Variants in SLC35D2 observed in about 807,000 individuals in gnomAD.
The protein encoded by SLC35D2 is nucleotide sugar transporter SLC35D2.
Under a neutral mutation model 41.8 loss-of-function variants are expected in SLC35D2, and 43 were observed. The ratio of observed to expected loss-of-function variants is 1.03; its 90% CI spans 0.81 to 1.33. The LOEUF is 1.33. SLC35D2 is among the 40% of genes most tolerant of loss of function. The pLI is 0.00. For synonymous variants in SLC35D2, 150 were observed against 163.9 expected (o/e 0.92, Z 0.65); for missense variants, 380 against 408.4 (o/e 0.93, Z 0.60).
chr9:96,340,236 T>A lies in SLC35D2; in HGVS notation c.685-3452A>T, dbSNP rs192590249. Among the ~76,000 whole-genome samples the A allele has an allele frequency of 7.2e-5, 11 of 152,242 alleles. 1 individual carries two copies. In the East Asian group the frequency reaches 1.9e-3, roughly 27 times the overall value. Reference sequence around the variant, plus strand: ...CTCACTGTTGTTTTTTGCTTTTTGTTTTTTATATGGGGTTGATGGCTTTTT... The same window carrying A: ...CTCACTGTTGTTTTTTGCTTTTTGTATTTTATATGGGGTTGATGGCTTTTT... On this transcript the variant is annotated intron_variant, in intron 8 of 11. Coordinates refer to ENST00000253270, the MANE Select transcript of SLC35D2 (RefSeq NM_007001.3).
chr9:96,367,507 G>A (rs906822149), intron 2 of SLC35D2, among the ~76,000 whole-genome samples: 1 of 152,018 alleles, frequency 6.6e-6, no homozygotes, highest in African/African-American at 2.4e-5. Context: ...GCTTACCCAA[G>A]CTCATCCTTG....
chr9:96,321,185 G>T lies in SLC35D2; in HGVS notation c.*57C>A. The T allele has an allele frequency of 1.5e-6, 2 of 1,321,686 alleles. No individual in the cohort carries two copies. The highest frequency in any genetic ancestry group is 2.2e-6 in the Non-Finnish European group (2 of 920,476). The allele number at this position is 1,321,686 out of a possible 1,614,324, so 81.9% of individuals were successfully genotyped here. On this transcript the variant is annotated 3_prime_UTR_variant, in exon 12 of 12. Transcript: ENST00000253270. Reference sequence around the variant, plus strand: ...AAACCTCTGGCTTCACATTCCTACTGGGAATGCCCCCCCAGCCCGCAGTCA... The same window carrying T: ...AAACCTCTGGCTTCACATTCCTACTTGGAATGCCCCCCCAGCCCGCAGTCA...
At chr9:96,352,172 C>A in intron 4 of SLC35D2, 63 bp from the exon 5 acceptor site, 2 of 1,065,214 alleles carry the variant, frequency 1.9e-6, no homozygotes, top group Non-Finnish European at 2.8e-6. Flanking sequence ...TTATCTTTTA[C>A]ATGTTTTACA....
rs193193751 is a variant in SLC35D2 at position 96,352,970 on chromosome 9, G to A, written c.348-861C>T. On this transcript the variant is annotated intron_variant, in intron 4 of 11. Coordinates refer to ENST00000253270, the MANE Select transcript of SLC35D2 (RefSeq NM_007001.3). ...GGAGAATTGCTTGAACCCGTGAGGC[G>A]GAGGTTGCAGTGAGCCAGGATCGCA... 2.2e-3 allele frequency among the ~76,000 whole-genome samples: 338 copies of A among 152,102 alleles called. 4 individuals carry two copies. The highest frequency in any genetic ancestry group is 2.5e-3 in the East Asian group (13 of 5,122).
At chr9:96,380,767 C>A (rs950011149) in intron 1 of SLC35D2, among the ~76,000 whole-genome samples, 2 of 152,064 alleles carry the variant, frequency 1.3e-5, no homozygotes, top group Non-Finnish European at 1.5e-5. Context: ...GCCACCGCGC[C>A]CGGCCTTTTT....
chr9:96,355,385 G>A (rs1829979303), intron 4 of SLC35D2, among the ~76,000 whole-genome samples: 1 of 151,922 alleles, frequency 6.6e-6, no homozygotes, highest in Admixed American at 6.6e-5. Flanking sequence ...TTGGGAGGCT[G>A]AGACAAGAGG....
intron 8 of SLC35D2, among the ~76,000 whole-genome samples, chr9:96,341,053 G>A (rs973893155): frequency 1.3e-5 from 2 of 152,150 alleles, no homozygotes; most frequent in Non-Finnish European, 2.9e-5. Context: ...TTGGGAGGCT[G>A]AGAAAGGCAG....
intron 3 of SLC35D2, among the ~76,000 whole-genome samples, chr9:96,362,533 G>C (rs1040401957): frequency 1.3e-5 from 2 of 151,770 alleles, no homozygotes; most frequent in African/African-American, 4.8e-5. Context: ...AAAGAATTTA[G>C]GGATGCATCC....
chr9:96,371,474 C>CAAAAAAAAAAAAAA lies in SLC35D2; in HGVS notation c.159-3183_159-3170dup, dbSNP rs539576375. On this transcript the variant is annotated intron_variant, in intron 1 of 11. Transcript: ENST00000253270. ...TGGGTGACAGAGCGAGACTCTGTCT[C>CAAAAAAAAAAAAAA]AAAAAAAAAAAAAAAAAAAAAAAAA... Among the ~76,000 whole-genome samples the CAAAAAAAAAAAAAA allele has an allele frequency of 4.0e-3, 186 of 46,630 alleles. 10 individuals are homozygous for CAAAAAAAAAAAAAA. The highest frequency in any genetic ancestry group is 4.4e-3 in the Non-Finnish European group (115 of 26,340). 30.6% of individuals were successfully genotyped at this position (46,630 alleles called of 152,430 possible).
At chr9:96,345,076 T>G (rs1829515337) in intron 7 of SLC35D2, among the ~76,000 whole-genome samples, 1 of 152,224 alleles carries the variant, frequency 6.6e-6, no homozygotes, top group Non-Finnish European at 1.5e-5. Flanking sequence ...TTTTATATGT[T>G]CTGAGTGTGC....
Position 96,343,976 on chromosome 9 carries a change from T to C in SLC35D2, c.612A>G (p.Val204=), listed in dbSNP as rs368889371. ...MDPKELGKYG[V]LFYNACFMII... is the part of the protein sequence containing the mutation. ...TCATGAAGCAGGCATTGTAGAAAAGTACTCCGTATTTCCCTAGCTCCTGCA... is the reference window on the plus strand; with the variant it reads ...TCATGAAGCAGGCATTGTAGAAAAGCACTCCGTATTTCCCTAGCTCCTGCA... Residue 204 remains valine (V), a synonymous_variant, in exon 8 of 12, where the codon GTA becomes GTG. Transcript: ENST00000253270. 14 of 1,599,354 alleles carry C rather than the reference T, an allele frequency of 8.8e-6. No individual in the cohort carries two copies. The highest frequency in any genetic ancestry group is 1.0e-5 in the Non-Finnish European group (12 of 1,174,644).
intron 4 of SLC35D2, among the ~76,000 whole-genome samples, chr9:96,354,345 T>C (rs1044889329): frequency 2.0e-5 from 3 of 152,178 alleles, no homozygotes; most frequent in African/African-American, 7.2e-5. Flanking sequence ...ACACCTTCTA[T>C]ACAGAAAATC....
intron 8 of SLC35D2, among the ~76,000 whole-genome samples, chr9:96,341,929 A>G (rs1459814975): frequency 7.6e-6 from 1 of 130,870 alleles, no homozygotes; most frequent in East Asian, 2.7e-4. Flanking sequence ...TTCTAGATTT[A>G]TATTTTTGGA....
At chr9:96,380,011 C>T (rs1422853219) in intron 1 of SLC35D2, among the ~76,000 whole-genome samples, 1 of 151,754 alleles carries the variant, frequency 6.6e-6, no homozygotes, top group Admixed American at 6.6e-5. Context: ...GATTCTCTGC[C>T]CCAGCCTCCT....
chr9:96,354,138 C>A (rs1475508275), intron 4 of SLC35D2, among the ~76,000 whole-genome samples: 1 of 152,154 alleles, frequency 6.6e-6, no homozygotes, highest in Non-Finnish European at 1.5e-5. Flanking sequence ...CTAGATTATG[C>A]CTTTTAAAAG....
chr9:96,318,216 T>A (rs1329016734), downstream of SLC35D2, among the ~76,000 whole-genome samples: 1 of 152,040 alleles, frequency 6.6e-6, no homozygotes, highest in Non-Finnish European at 1.5e-5. Context: ...TCCCTACACT[T>A]TAGGAGGCCA....
chr9:96,341,968 C>T (rs992449991), intron 8 of SLC35D2, among the ~76,000 whole-genome samples: 2 of 150,286 alleles, frequency 1.3e-5, no homozygotes, highest in Non-Finnish European at 3.0e-5. Context: ...ATCTAAAATA[C>T]CAGAATTTCA....
rs111744487 is a variant in SLC35D2, at chr9:96,355,655, C to A, written c.348-3546G>T. On this transcript the variant is annotated intron_variant, in intron 4 of 11. Coordinates refer to ENST00000253270, the MANE Select transcript of SLC35D2 (RefSeq NM_007001.3). ...GGAATTACAGGTATCCACCAACACACCCAGCTAATTTTTGTATTTTTAGTA... is the reference window on the plus strand; with the variant it reads ...GGAATTACAGGTATCCACCAACACAACCAGCTAATTTTTGTATTTTTAGTA... Among the ~76,000 whole-genome samples the A allele has an allele frequency of 2.5e-3, 375 of 152,126 alleles. 1 individual carries two copies. Among genetic ancestry groups the A allele is most frequent in the African/African-American group, 8.5e-3 (351 of 41,500 alleles).
chr9:96,357,973 A>C (rs745977838), intron 4 of SLC35D2, among the ~76,000 whole-genome samples: 1 of 151,686 alleles, frequency 6.6e-6, no homozygotes, highest in Non-Finnish European at 1.5e-5. Context: ...CAGCAGGGTG[A>C]GGCTGCAAGT....
Sources: gnomAD v4.1 joint callset for allele counts (sites outside exome capture counted in the v4.1 genomes callset) on GRCh38, gnomAD v4.1.1 for gene constraint, MANE v1.5 for transcripts, NCBI Gene and HGNC (gene_info 2026-07-23, HGNC 2026-07-21) for gene names.